ZNF185: variants seen among roughly 807,000 people sequenced by gnomAD.
ZNF185 encodes the protein zinc finger protein 185.
In ZNF185, 56 loss-of-function variants were observed where a neutral mutation model predicts 58.6. The ratio of observed to expected loss-of-function variants is 0.95; its 90% CI spans 0.77 to 1.19. The LOEUF (loss-of-function observed/expected upper bound fraction) is 1.19, where lower values mean the gene tolerates loss of function less well. ZNF185 is among the 50% of genes most tolerant of loss of function. The probability of loss-of-function intolerance (pLI) is 0.00; values close to 1 mark genes in which losing one functional copy is unlikely to be tolerated. For missense variants in ZNF185, 627 were observed against 573.5 expected (o/e 1.09, Z -0.95); for synonymous variants, 230 against 215.9 (o/e 1.07, Z -0.57).
chrX:152,963,629 G>A (rs1160616980), intron 17 of ZNF185, among the ~76,000 whole-genome samples: 1 of 112,163 alleles, frequency 8.9e-6, no homozygotes, highest in Non-Finnish European at 1.9e-5. Context: ...GAAGATTGGG[G>A]TCTTGCTACT....
At chrX:152,908,428 G>C in the ZNF185 span, among the ~76,000 whole-genome samples, 694 of 112,756 alleles carry the variant, frequency 6.2e-3, 5 homozygotes, top group African/African-American at 0.02. Flanking sequence ...CTTTTTCTGA[G>C]TCTTTCTCAG....
chrX:152,936,332 G>C (rs1289658355), intron 14 of ZNF185, 86 bp from the exon 16 acceptor site: 7 of 784,820 alleles, frequency 8.9e-6, no homozygotes, highest in East Asian at 7.1e-5. Flanking sequence ...CATCATCTGT[G>C]GGGGGCAGGA....
Position 152,917,796 on chromosome X carries a change from C to T in ZNF185, c.342-269C>T, listed in dbSNP as rs782142159. On this transcript the variant is annotated intron_variant, in intron 5 of 22. Coordinates refer to ENST00000449285, the Ensembl canonical transcript of ZNF185. ...TGGCATCAGGCATTGCCTGGGACTC[C>T]GTCAGACTGGAAAGGCCAAGGGGAC... The T allele has an allele frequency of 7.3e-4, 770 of 1,048,401 alleles. 5 individuals are homozygous for T. The highest frequency in any genetic ancestry group is 3.8e-4 in the Middle Eastern group (1 of 2,619). The allele number at this position is 1,048,401 out of a possible 1,213,427, so 86.4% of individuals were successfully genotyped here.
intron 12 of ZNF185, among the ~76,000 whole-genome samples, chrX:152,929,405 G>A (rs958236823): frequency 8.1e-5 from 9 of 111,115 alleles, no homozygotes; most frequent in Non-Finnish European, 5.7e-5. Flanking sequence ...GGAGAGAAGC[G>A]GGAGTGTACA....
intron 16 of ZNF185, among the ~76,000 whole-genome samples, chrX:152,951,343 T>G (rs1346352774): frequency 9.3e-6 from 1 of 107,626 alleles, no homozygotes; most frequent in East Asian, 2.9e-4. Context: ...TTTGAAAATC[T>G]TATAAATACA....
In ZNF185 at chrX:152,959,700, G is replaced by A. The variant is rs782716041; in HGVS notation, c.1411G>A (p.Val471Met). ...CATAAGGGTCTTATTCTTCCTCAGC[G>A]TGTTGACTGATTTTGAGGGGAAGGA... The change falls in exon 17 of 23, where the codon GTG becomes ATG. Residue 471 changes from valine to methionine, a missense_variant and splice_region_variant. Val to Met is a conservative substitution (Grantham distance 21). Transcript: ENST00000449285. 6.6e-6 allele frequency: 8 copies of A among 1,208,633 alleles called. No homozygotes were observed. The South Asian group carries it at 1.2e-4, about 19-fold the overall frequency.
the ZNF185 span, among the ~76,000 whole-genome samples, chrX:152,903,261 C>T: frequency 3.3e-4 from 36 of 107,829 alleles, 1 homozygote; most frequent in Non-Finnish European, 1.3e-4. Context: ...TGGTGGCAGG[C>T]GTCTGTAATC....
chrX:152,941,166 C>T (rs1250090246), intron 15 of ZNF185, among the ~76,000 whole-genome samples: 1 of 112,019 alleles, frequency 8.9e-6, no homozygotes, highest in Non-Finnish European at 1.9e-5. Flanking sequence ...TTTTTCAAAG[C>T]TCCCCAGTTT....
chrX:152,972,004 A>G (rs1056279546), exon 23 of ZNF185: 8 of 112,049 alleles, frequency 7.1e-5, no homozygotes, highest in East Asian at 5.6e-4. Flanking sequence ...TTTGCCCTCA[A>G]TTCTGCTCCC....
chrX:152,941,961 C>G (rs1329146004), intron 15 of ZNF185: 35 of 917,740 alleles, frequency 3.8e-5, no homozygotes, highest in Non-Finnish European at 4.6e-5. Context: ...GCAGGGAGCC[C>G]TGGGGCCATG....
chrX:152,939,740 T>G (rs904591873), intron 15 of ZNF185, among the ~76,000 whole-genome samples: 1 of 109,571 alleles, frequency 9.1e-6, no homozygotes, highest in Non-Finnish European at 1.9e-5. Flanking sequence ...TCACGCTACT[T>G]TCCTCTGATG....
intron 20 of ZNF185, among the ~76,000 whole-genome samples, chrX:152,967,816 T>C (rs1329880187): frequency 8.9e-6 from 1 of 111,898 alleles, no homozygotes; most frequent in Non-Finnish European, 1.9e-5. Context: ...TTCAGATTCT[T>C]GGAATGGGGA....
At chrX:152,911,153 T>C (rs782294758), upstream of ZNF185, among the ~76,000 whole-genome samples, 42 of 111,150 alleles carry the variant, frequency 3.8e-4, no homozygotes, top group Non-Finnish European at 3.8e-5. Context: ...GAGCACCCAG[T>C]AGGAGCAGGG....
At chrX:152,958,106 T>C (rs180933040) in intron 16 of ZNF185, among the ~76,000 whole-genome samples, 1 of 112,379 alleles carries the variant, frequency 8.9e-6, no homozygotes, top group East Asian at 2.8e-4. Context: ...CTGTAAGTTA[T>C]CTTTCGTAAG....
At chrX:152,923,976 C>T (rs991644941) in intron 11 of ZNF185, among the ~76,000 whole-genome samples, 2 of 111,632 alleles carry the variant, frequency 1.8e-5, no homozygotes, top group African/African-American at 3.3e-5. Flanking sequence ...CGTATCATCT[C>T]CCACTTCTGG....
upstream of ZNF185, among the ~76,000 whole-genome samples, chrX:152,912,311 C>G (rs1001136682): frequency 9.8e-5 from 11 of 112,555 alleles, no homozygotes; most frequent in Non-Finnish European, 1.7e-4. Flanking sequence ...ATGGTGCCCT[C>G]TGCAGGGGAC....
chrX:152,960,589 G>A (rs1268884916), intron 17 of ZNF185, among the ~76,000 whole-genome samples: 2 of 112,480 alleles, frequency 1.8e-5, no homozygotes, highest in African/African-American at 6.5e-5. Flanking sequence ...CAATTGTGAT[G>A]TTTGTGGTAG....
At chrX:152,967,017 C>A (rs1398105572) in intron 19 of ZNF185, 150 bp from the exon 22 acceptor site, 6 of 498,169 alleles carry the variant, frequency 1.2e-5, no homozygotes, top group Non-Finnish European at 2.0e-5. Flanking sequence ...TTTGCCCCCC[C>A]ATAGAAGGGC....
intron 20 of ZNF185, 54 bp from the exon 23 acceptor site, chrX:152,969,328 A>G: frequency 9.5e-7 from 1 of 1,058,156 alleles, no homozygotes; most frequent in Non-Finnish European, 1.3e-6. Context: ...GCTGTGTCAC[A>G]TCAGAGGTCT....
Sources: allele counts gnomAD v4.1 joint callset (sites outside exome capture counted in the v4.1 genomes callset), GRCh38; gene constraint gnomAD v4.1.1; transcripts MANE v1.5; gene names NCBI Gene and HGNC (gene_info 2026-07-23, HGNC 2026-07-21).